Variants in AFAP1L2 observed in about 807,000 individuals in gnomAD.
AFAP1L2 encodes the protein actin filament-associated protein 1-like 2.
AFAP1L2 carries 46 observed loss-of-function variants against 99.3 expected under a neutral mutation model. The ratio of observed to expected loss-of-function variants is 0.46; its 90% CI spans 0.37 to 0.59. The LOEUF is 0.59. Ranked by LOEUF, AFAP1L2 falls within the 20% of genes least tolerant of loss-of-function variation. AFAP1L2 has a pLI of 0.00. For missense variants in AFAP1L2, 959 were observed against 1,034.9 expected (o/e 0.93, Z 1.01); for synonymous variants, 397 against 419.1 (o/e 0.95, Z 0.64).
intron 1 of AFAP1L2, among the ~76,000 whole-genome samples, chr10:114,378,185 C>T (rs1345235772): frequency 2.6e-5 from 4 of 152,210 alleles, no homozygotes; most frequent in Non-Finnish European, 5.9e-5. Context: ...CAGCGGCTTA[C>T]AATTCTTTTC....
chr10:114,297,518 C>A, intron 16 of AFAP1L2, 105 bp from the exon 17 acceptor site: 1 of 1,248,302 alleles, frequency 8.0e-7, no homozygotes, highest in Non-Finnish European at 1.1e-6. Context: ...CCGAGAAGGA[C>A]CACAGGTCTG....
chr10:114,373,639 A>C (rs1460576790), intron 1 of AFAP1L2, among the ~76,000 whole-genome samples: 2 of 151,602 alleles, frequency 1.3e-5, no homozygotes, highest in South Asian at 2.1e-4. Flanking sequence ...ACCACCACCA[A>C]CGACAAAAAA....
upstream of AFAP1L2, chr10:114,404,605 G>A (rs1236788622): frequency 5.0e-5 from 59 of 1,172,862 alleles, no homozygotes; most frequent in Non-Finnish European, 6.4e-5. Flanking sequence ...CAGGGTCCTC[G>A]GACCTGGCCC....
At chr10:114,297,529 G>A in intron 16 of AFAP1L2, 116 bp from the exon 17 acceptor site, 2 of 1,130,120 alleles carry the variant, frequency 1.8e-6, no homozygotes, top group Non-Finnish European at 2.5e-6. Context: ...CACAGGTCTG[G>A]CCCCAACACT....
At chr10:114,364,592 G>A (rs551807003) in intron 1 of AFAP1L2, among the ~76,000 whole-genome samples, 11 of 152,224 alleles carry the variant, frequency 7.2e-5, no homozygotes, top group Non-Finnish European at 1.3e-4. Context: ...ATAAGTGCCC[G>A]CCCTAATCCA....
intron 1 of AFAP1L2, among the ~76,000 whole-genome samples, chr10:114,355,555 A>C (rs2051235903): frequency 6.6e-6 from 1 of 152,114 alleles, no homozygotes; most frequent in Admixed American, 6.5e-5. Flanking sequence ...CTTAAAAAAA[A>C]AAAAAGTTTT....
chr10:114,321,981 G>C (rs1356527251), intron 5 of AFAP1L2, among the ~76,000 whole-genome samples: 1 of 152,204 alleles, frequency 6.6e-6, no homozygotes, highest in African/African-American at 2.4e-5. Flanking sequence ...TCATGGGAGG[G>C]ACCTGGTGGG....
rs115199627 is a variant in AFAP1L2 at position 114,325,856 on chromosome 10, G to C, written c.316-2595C>G. On this transcript the variant is annotated intron_variant, in intron 4 of 18. Coordinates refer to ENST00000304129, the MANE Select transcript of AFAP1L2 (RefSeq NM_001001936.3). ...GGTCCACTAACAACAGGCTCCCTAG[G>C]GTCCACAGGGAAAGGGTCCTCTCGC... 1,534 of 1,276,574 alleles carry C rather than the reference G, an allele frequency of 1.2e-3. 26 individuals are homozygous for C. In the African/African-American group the frequency reaches 0.021, roughly 18 times the overall value. The allele number at this position is 1,276,574 out of a possible 1,614,324, so 79.1% of individuals were successfully genotyped here.
chr10:114,321,877 T>G (rs1387143623), intron 5 of AFAP1L2, among the ~76,000 whole-genome samples: 1 of 152,218 alleles, frequency 6.6e-6, no homozygotes, highest in Non-Finnish European at 1.5e-5. Context: ...TCACACAGTG[T>G]CCAGGGCGAT....
chr10:114,282,389 C>A, the AFAP1L2 span: 1 of 746,508 alleles, frequency 1.3e-6, no homozygotes, highest in Non-Finnish European at 2.4e-6. Flanking sequence ...AGAAACAAAA[C>A]CAGGAAGTCT....
chr10:114,357,288 C>T (rs1388779668), intron 1 of AFAP1L2, among the ~76,000 whole-genome samples: 2 of 152,234 alleles, frequency 1.3e-5, no homozygotes, highest in African/African-American at 2.4e-5. Context: ...TTCTCCAACA[C>T]TGTGGCCTCC....
the AFAP1L2 span, chr10:114,282,525 A>T: frequency 4.3e-6 from 7 of 1,613,808 alleles, no homozygotes; most frequent in Non-Finnish European, 5.9e-6. Flanking sequence ...GCTGGAAGAG[A>T]GTGTTCCTAA....
chr10:114,373,878 T>C (rs1324912976), intron 1 of AFAP1L2, among the ~76,000 whole-genome samples: 1 of 152,116 alleles, frequency 6.6e-6, no homozygotes, highest in African/African-American at 2.4e-5. Flanking sequence ...GGTAGCGAGA[T>C]AATCTTGCCC....
At chr10:114,404,683 G>A (rs2058562424), upstream of AFAP1L2, 1 of 492,088 alleles carries the variant, frequency 2.0e-6, no homozygotes, top group East Asian at 4.2e-5. Flanking sequence ...ACTCCGGCCC[G>A]CCGAGGCTGA....
chr10:114,313,334 G>A lies in AFAP1L2; in HGVS notation c.792+537C>T, dbSNP rs565851306. 5.5e-4 allele frequency among the ~76,000 whole-genome samples: 83 copies of A among 152,256 alleles called. 1 individual carries two copies. Among genetic ancestry groups the A allele is most frequent in the Non-Finnish European group, 7.9e-4 (54 of 68,008 alleles). ...GTGCCTCATAATCACACCCAGGGAC[G>A]CGTGGGCAGAGTGGGCCACGTGCAT... On this transcript the variant is annotated intron_variant, in intron 7 of 18. Transcript: ENST00000304129.
rs1297419281 is a variant in AFAP1L2 at position 114,304,819 on chromosome 10, G to T, written c.1184C>A (p.Pro395His). ...DRNRSKVAQQ[P>H]LSLVGCEVVP... ...CACCTCGCAGCCCACCAGGCTGAGG[G>T]GTTGCTGGGCCACCTTGCTCCGGTT... Residue 395 changes from proline (P) to histidine (H), a missense_variant, in exon 11 of 19, where the codon CCC becomes CAC. Pro to His is a moderately conservative substitution (Grantham distance 77). Transcript: ENST00000304129. The T allele has an allele frequency of 3.7e-6, 6 of 1,613,310 alleles. No individual in the cohort carries two copies. The highest frequency in any genetic ancestry group is 5.1e-6 in the Non-Finnish European group (6 of 1,180,030).
chr10:114,331,743 AC>A, intron 4 of AFAP1L2, 59 bp downstream of exon 4: 2 of 1,192,664 alleles, frequency 1.7e-6, no homozygotes, highest in African/African-American at 3.2e-5. Flanking sequence ...ACCTGTGGAG[AC>A]AACTGGAAGT....
At chr10:114,362,056 C>G (rs7094286) in intron 1 of AFAP1L2, among the ~76,000 whole-genome samples, 151,505 of 152,348 alleles carry the variant, frequency 0.99, 75,336 homozygotes, top group East Asian at 1. Flanking sequence ...TTTAGGAGTT[C>G]CACTAACAAG....
chr10:114,332,739 G>T (rs923854363), intron 3 of AFAP1L2, among the ~76,000 whole-genome samples: 1 of 152,250 alleles, frequency 6.6e-6, no homozygotes, highest in African/African-American at 2.4e-5. Context: ...GAGGCACCAT[G>T]GAAGAAAACA....
Sources: gnomAD v4.1 joint callset for allele counts (sites outside exome capture counted in the v4.1 genomes callset) on GRCh38, gnomAD v4.1.1 for gene constraint, MANE v1.5 for transcripts, NCBI Gene and HGNC (gene_info 2026-07-23, HGNC 2026-07-21) for gene names.